The following PCDHGA9 variants were observed in gnomAD, a reference collection of about 807,000 sequenced individuals.
PCDHGA9 encodes protocadherin gamma-A9.
PCDHGA9 carries 37 observed loss-of-function variants against 62.5 expected under a neutral mutation model. The observed-to-expected ratio is 0.59, with a 90% CI of 0.46 to 0.78. PCDHGA9 has a LOEUF of 0.78. Ranked by LOEUF, PCDHGA9 falls within the 30% of genes least tolerant of loss-of-function variation. The pLI is 0.00. For missense variants in PCDHGA9, 1,138 were observed against 1,166.2 expected, an observed-to-expected ratio of 0.98 and a Z score of 0.35; for synonymous variants, 459 against 484.6, an observed-to-expected ratio of 0.95 and a Z score of 0.69.
Position 141,491,273 on chromosome 5 carries a change from G to A in PCDHGA9, c.2425-3534G>A. ...GACCCTGAGGAAATGCCCAAATCCA[G>A]TGACTTCCTCATACACCCTCCTGAG... On this transcript the variant is annotated intron_variant, in intron 1 of 3. Coordinates refer to ENST00000573521, the MANE Select transcript of PCDHGA9 (RefSeq NM_018921.3). This position sits in a 1 kb window ranked among gnomAD's most constrained non-coding sequence, Gnocchi z 6.9. The A allele has an allele frequency of 6.2e-7, 1 of 1,614,182 alleles. No individual in the cohort carries two copies. Among genetic ancestry groups the A allele is most frequent in the South Asian group, 1.1e-5 (1 of 91,082 alleles).
At chr5:141,492,560 G>T (rs2099742000) in intron 1 of PCDHGA9, among the ~76,000 whole-genome samples, 1 of 152,156 alleles carries the variant, frequency 6.6e-6, no homozygotes, top group Non-Finnish European at 1.5e-5. Context: ...CCTGGGGGGC[G>T]GCCTGAGCGA....
rs2099631185 is a variant in PCDHGA9, at chr5:141,486,568, T to C, written c.2425-8239T>C. Reference sequence around the variant, plus strand: ...AGAGGTCACATGAGGTGTTTGTTCCTGAGAACAATCGCCCAGGGGACCTGC... The same window carrying C: ...AGAGGTCACATGAGGTGTTTGTTCCCGAGAACAATCGCCCAGGGGACCTGC... On this transcript the variant is annotated intron_variant, in intron 1 of 3. Coordinates refer to ENST00000573521, the MANE Select transcript of PCDHGA9 (RefSeq NM_018921.3). The surrounding 1 kb of genome is among the most constrained non-coding windows in gnomAD (Gnocchi z 5.0). 1.9e-6 allele frequency: 3 copies of C among 1,613,862 alleles called. No homozygotes were observed. The South Asian group carries it at 3.3e-5, about 18-fold the overall frequency.
Position 141,485,718 on chromosome 5 carries a change from T to A in PCDHGA9, c.2425-9089T>A, listed in dbSNP as rs562192762. ...TCCAATGAACACTTTGCACTGGATG[T>A]GAAGAAGCGCAGCGACGGCAGCCTG... On this transcript the variant is annotated intron_variant, in intron 1 of 3. Coordinates refer to ENST00000573521, the MANE Select transcript of PCDHGA9 (RefSeq NM_018921.3). The surrounding 1 kb of genome is among the most constrained non-coding windows in gnomAD (Gnocchi z 5.7). 1 of 1,614,058 alleles carries A rather than the reference T, an allele frequency of 6.2e-7. No homozygotes were observed. The highest frequency in any genetic ancestry group is 2.2e-5 in the East Asian group (1 of 44,866).
At position 141,417,888 on chromosome 5, in the gene PCDHGA9, G is replaced by C. The variant is rs1406210540; in HGVS notation, c.2424+12512G>C. ...GGAGGGAGCTGCGCGCAGAGGCGCC[G>C]GGCCGGCCCGCGGCAGGTACTATTT... is the stretch of plus-strand genomic sequence containing the variant. On this transcript the variant is annotated intron_variant, in intron 1 of 3. Transcript: ENST00000573521. 1.3e-6 allele frequency: 2 copies of C among 1,566,652 alleles called. No homozygotes were observed. The highest frequency in any genetic ancestry group is 1.7e-4 in the Middle Eastern group (1 of 6,016).
Position 141,490,522 on chromosome 5 carries a change from G to A in PCDHGA9, c.2425-4285G>A, listed in dbSNP as rs191201177. ...CTATATCATCGAGCTGCTGGCCAGC[G>A]ATGCTGGTTCACCTTCCCTACACAA... On this transcript the variant is annotated intron_variant, in intron 1 of 3. Transcript: ENST00000573521. This position sits in a 1 kb window ranked among gnomAD's most constrained non-coding sequence, Gnocchi z 5.4. 5.0e-6 allele frequency: 8 copies of A among 1,614,054 alleles called. No homozygotes were observed. Among genetic ancestry groups the A allele is most frequent in the Admixed American group, 3.3e-5 (2 of 60,010 alleles).
intron 1 of PCDHGA9, among the ~76,000 whole-genome samples, chr5:141,405,721 A>G (rs1295046106): frequency 1.3e-5 from 2 of 151,702 alleles, no homozygotes; most frequent in African/African-American, 4.8e-5. Context: ...CAAGTGATCC[A>G]CCCACCTCAG....
chr5:141,473,362 C>A (rs2099320242), intron 1 of PCDHGA9, among the ~76,000 whole-genome samples: 1 of 152,166 alleles, frequency 6.6e-6, no homozygotes, highest in Admixed American at 6.5e-5. Context: ...AAGTGGCCAC[C>A]AAAATAGCAT....
chr5:141,444,329 G>T (rs536314842), intron 1 of PCDHGA9, among the ~76,000 whole-genome samples: 1 of 151,792 alleles, frequency 6.6e-6, no homozygotes, highest in Admixed American at 6.6e-5. Context: ...GTGCCACCAC[G>T]CCCAGCTAAT....
rs374857095 is a variant in PCDHGA9, at chr5:141,409,142, A to G, written c.2424+3766A>G. 6 of 1,613,904 alleles carry G rather than the reference A, an allele frequency of 3.7e-6. No individual in the cohort carries two copies. In the African/African-American group the frequency reaches 6.7e-5, roughly 18 times the overall value. ...GTCATTTGATTTTGAAGATGTAGAA[A>G]GGTACACCATGGAAGTGGAAGCGAA... is the stretch of plus-strand genomic sequence containing the variant. On this transcript the variant is annotated intron_variant, in intron 1 of 3. Coordinates refer to ENST00000573521, the MANE Select transcript of PCDHGA9 (RefSeq NM_018921.3).
intron 1 of PCDHGA9, among the ~76,000 whole-genome samples, chr5:141,445,357 G>C (rs115045385): frequency 0.013 from 1,909 of 152,252 alleles, 31 homozygotes; most frequent in African/African-American, 0.044. Flanking sequence ...GTCTGCCCAA[G>C]TCTGGTCCTG....
chr5:141,442,006 G>A (rs540427406), intron 1 of PCDHGA9: 77 of 229,074 alleles, frequency 3.4e-4, no homozygotes, highest in African/African-American at 1.6e-3. Context: ...CTGACAGCTC[G>A]CACGATGGGC....
intron 1 of PCDHGA9, chr5:141,413,439 G>A (rs747331348): frequency 1.1e-4 from 179 of 1,613,988 alleles, no homozygotes; most frequent in Non-Finnish European, 1.4e-4. Flanking sequence ...GCGGCAGCTT[G>A]ATCACCGCGG....
At position 141,404,116 on chromosome 5, in the gene PCDHGA9, G is replaced by A. The variant is rs751598967; in HGVS notation, c.1164G>A (p.Glu388=). The part of the protein sequence containing the change: ...KNGQVVCSIQ[E]NLSFTLENSE... ...GTCAAGTTGTCTGTTCTATCCAGGA[G>A]AATCTATCTTTTACATTAGAAAATT... The change falls in exon 1 of 4, where the codon GAG becomes GAA. Residue 388 remains glutamate, a synonymous_variant. Transcript: ENST00000573521. 1 of 1,613,478 alleles carries A rather than the reference G, an allele frequency of 6.2e-7. No individual in the cohort carries two copies. The highest frequency in any genetic ancestry group is 2.2e-5 in the East Asian group (1 of 44,862).
At position 141,476,503 on chromosome 5, in the gene PCDHGA9, C is replaced by T. The variant is rs1259213742; in HGVS notation, c.2425-18304C>T. 2 of 1,614,138 alleles carry T rather than the reference C, an allele frequency of 1.2e-6. No individual in the cohort carries two copies. ...TGGAAGTGGTGATCCAGGACATCAA[C>T]GACAACAATCCTGCTTTCCCTACCC... On this transcript the variant is annotated intron_variant, in intron 1 of 3. Transcript: ENST00000573521. The surrounding 1 kb of genome is among the most constrained non-coding windows in gnomAD (Gnocchi z 7.6).
At chr5:141,450,957 T>G (rs2154563418) in intron 1 of PCDHGA9, among the ~76,000 whole-genome samples, 1 of 152,010 alleles carries the variant, frequency 6.6e-6, no homozygotes, top group Non-Finnish European at 1.5e-5. Context: ...CCCAAGTAGC[T>G]GGGATTACAG....
At position 141,403,513 on chromosome 5, in the gene PCDHGA9, T is replaced by G. The variant is rs754840157; in HGVS notation, c.561T>G (p.Asn187Lys). ...CCCTGAACGTGCAGACTGGAGACAATGGAGCCATAAACCCAGAGCTGGTGC... is the reference window on the plus strand; with the variant it reads ...CCCTGAACGTGCAGACTGGAGACAAGGGAGCCATAAACCCAGAGCTGGTGC... ...HFSLNVQTGD[N>K]GAINPELVLE... The change falls in exon 1 of 4, where the codon AAT (asparagine) becomes AAG (lysine). Residue 187 changes from asparagine to lysine, a missense_variant. Coordinates refer to ENST00000573521, the MANE Select transcript of PCDHGA9 (RefSeq NM_018921.3). 8.1e-5 allele frequency: 131 copies of G among 1,613,832 alleles called. 1 individual carries two copies. In the African/African-American group the frequency reaches 1.2e-3, roughly 15 times the overall value.
rs149806642 is a variant in PCDHGA9 at position 141,502,449 on chromosome 5, A to T, written c.2484-2944A>T. 7.7e-3 allele frequency among the ~76,000 whole-genome samples: 1,166 copies of T among 151,886 alleles called. 15 individuals carry two copies. The highest frequency in any genetic ancestry group is 0.027 in the African/African-American group (1,103 of 41,308). On this transcript the variant is annotated intron_variant, in intron 2 of 3. Coordinates refer to ENST00000573521, the MANE Select transcript of PCDHGA9 (RefSeq NM_018921.3). The stretch of plus-strand genomic sequence containing the variant: ...TCTGATGGTTAGATTCAGATTACAC[A>T]CCTTGGTAGGAATACTTCCCGCAGC...
chr5:141,478,415 C>T, intron 1 of PCDHGA9: 1 of 1,613,648 alleles, frequency 6.2e-7, no homozygotes, highest in Non-Finnish European at 8.5e-7. Flanking sequence ...CACGGACTCC[C>T]GCCGCAGCGA....
rs371079504 is a variant in PCDHGA9, at chr5:141,422,041, G to C, written c.2424+16665G>C. 9 of 1,611,514 alleles carry C rather than the reference G, an allele frequency of 5.6e-6. No homozygotes were observed. The highest frequency in any genetic ancestry group is 5.9e-6 in the Non-Finnish European group (7 of 1,179,230). On this transcript the variant is annotated intron_variant, in intron 1 of 3. Transcript: ENST00000573521. ...GATGGTTAATGCAACGGATCCAGAC[G>C]AGGGAATCAACGGGGAAGTAATGTA...
Sources: gnomAD v4.1 joint callset for allele counts (sites outside exome capture counted in the v4.1 genomes callset) on GRCh38, gnomAD v4.1.1 for gene constraint, Gnocchi (gnomAD v3.1) non-coding constraint, MANE v1.5 for transcripts, NCBI Gene and HGNC (gene_info 2026-07-23, HGNC 2026-07-21) for gene names.